The following DHCR24 variants were observed in gnomAD, a reference collection of about 807,000 sequenced individuals.
DHCR24 encodes the protein 24-dehydrocholesterol reductase.
Under a neutral mutation model 61.2 loss-of-function variants are expected in DHCR24, and 28 were observed. The ratio of observed to expected loss-of-function variants is 0.46; its 90% CI spans 0.34 to 0.63. The LOEUF is 0.63. DHCR24 is among the 20% of genes least tolerant of loss of function. The pLI, the probability that DHCR24 is intolerant of heterozygous loss-of-function variation, is 0.01. For synonymous variants in DHCR24, 261 were observed against 275.9 expected (o/e 0.95, Z 0.54); for missense variants, 538 against 679.1 (o/e 0.79, Z 2.31).
rs763847179 is a variant in DHCR24 at position 54,883,730 on chromosome 1, G to A, written c.275C>T (p.Thr92Met). The A allele has an allele frequency of 6.8e-6, 11 of 1,614,078 alleles. No homozygotes were observed. The highest frequency in any genetic ancestry group is 3.3e-5 in the Admixed American group (2 of 59,992). ...KEQGSKTFMC[T>M]GRPGWLTVSL... ...GACAGTGAGCCAGCCAGGGCGCCCCGTGCACATGAAGGTCTTGCTACCCTG... is the reference window on the plus strand; with the variant it reads ...GACAGTGAGCCAGCCAGGGCGCCCCATGCACATGAAGGTCTTGCTACCCTG... The change falls in exon 2 of 9, where the codon ACG (threonine) becomes ATG (methionine). Residue 92 changes from threonine (T) to methionine (M), a missense_variant. Transcript: ENST00000371269. The surrounding 1 kb of genome is among the most constrained non-coding windows in gnomAD (Gnocchi z 4.3).
chr1:54,887,164 C>T lies in DHCR24; in HGVS notation c.-45G>A, dbSNP rs970889753. 1.7e-5 allele frequency: 26 copies of T among 1,497,100 alleles called. No individual in the cohort carries two copies. Among genetic ancestry groups the T allele is most frequent in the Non-Finnish European group, 2.3e-5 (26 of 1,109,754 alleles). The allele number at this position is 1,497,100 out of a possible 1,614,324, so 92.7% of individuals were successfully genotyped here. A position where few individuals can be genotyped will look rare whatever the true frequency, so the allele number is the denominator to read the frequency against. On this transcript the variant is annotated 5_prime_UTR_variant, in exon 1 of 9. Coordinates refer to ENST00000371269, the MANE Select transcript of DHCR24 (RefSeq NM_014762.4). Reference sequence around the variant, plus strand: ...AGCGCTGCGGGTTCGCGCCTCCTGTCACTGCCGCCAGCTCCGCGCCTGGCC... The same window carrying T: ...AGCGCTGCGGGTTCGCGCCTCCTGTTACTGCCGCCAGCTCCGCGCCTGGCC...
At chr1:54,854,356 C>T in intron 6 of DHCR24, 122 bp from the exon 7 acceptor site, 1 of 799,122 alleles carries the variant, frequency 1.3e-6, no homozygotes, top group Non-Finnish European at 2.0e-6. Context: ...GAGTCCAATT[C>T]CCCTCTTTGG....
chr1:54,879,352 A>AAAAAAAAAAAAAAAAAAAAAAAAG lies in DHCR24; in HGVS notation c.388-3306_388-3305insCTTTTTTTTTTTTTTTTTTTTTTT, dbSNP rs573285056. 1.9e-4 allele frequency among the ~76,000 whole-genome samples: 24 copies of AAAAAAAAAAAAAAAAAAAAAAAAG among 128,222 alleles called. 2 individuals are homozygous for AAAAAAAAAAAAAAAAAAAAAAAAG. Among genetic ancestry groups the AAAAAAAAAAAAAAAAAAAAAAAAG allele is most frequent in the African/African-American group, 2.5e-4 (8 of 32,296 alleles). The allele number at this position is 128,222 out of a possible 152,430, so 84.1% of individuals were successfully genotyped here. A position where few individuals can be genotyped will look rare whatever the true frequency, so the allele number is the denominator to read the frequency against. On this transcript the variant is annotated intron_variant, in intron 2 of 8. Transcript: ENST00000371269. ...AAAAAAAAAAAAAAAAAAAAAAAAA[A>AAAAAAAAAAAAAAAAAAAAAAAAG]TCCAAATCAAACTTCTGGAAATGAA...
At chr1:54,870,686 A>G (rs751990619) in intron 5 of DHCR24, among the ~76,000 whole-genome samples, 1 of 152,344 alleles carries the variant, frequency 6.6e-6, no homozygotes, top group South Asian at 2.1e-4. Context: ...AACGCTTTCA[A>G]TCTGCAGTTG....
rs1303115193 is a variant in DHCR24, at chr1:54,855,424, C to T, written c.1021-1190G>A. On this transcript the variant is annotated intron_variant, in intron 6 of 8. Transcript: ENST00000371269. ...AAAAAAAAAAAACAGTTCCAAGGGG[C>T]CTCCGAGGTCAGGAACCAGGTTCTA... 2.0e-5 allele frequency among the ~76,000 whole-genome samples: 3 copies of T among 151,480 alleles called. No individual in the cohort carries two copies. In the East Asian group the frequency reaches 5.8e-4, roughly 29 times the overall value.
chr1:54,875,018 G>C, intron 4 of DHCR24, 75 bp downstream of exon 4: 1 of 1,294,056 alleles, frequency 7.7e-7, no homozygotes, highest in Admixed American at 1.7e-5. Context: ...ACACCTAGAG[G>C]AGCCACCTCC....
chr1:54,883,740 A>G lies in DHCR24; in HGVS notation c.265T>C (p.Phe89Leu). Residue 89 changes from phenylalanine to leucine, a missense_variant, in exon 2 of 9, where the codon TTC becomes CTC. Coordinates refer to ENST00000371269, the MANE Select transcript of DHCR24 (RefSeq NM_014762.4). This position sits in a 1 kb window ranked among gnomAD's most constrained non-coding sequence, Gnocchi z 4.3. The part of the protein sequence containing the change: ...REWKEQGSKT[F>L]MCTGRPGWLT... ...CAGCCAGGGCGCCCCGTGCACATGA[A>G]GGTCTTGCTACCCTGCTCCTTCCAT... The G allele has an allele frequency of 1.2e-6, 2 of 1,614,194 alleles. No homozygotes were observed. The highest frequency in any genetic ancestry group is 1.7e-6 in the Non-Finnish European group (2 of 1,180,048).
rs932047870 is a variant in DHCR24 at position 54,850,076 on chromosome 1, C to A, written c.*2157G>T. On this transcript the variant is annotated 3_prime_UTR_variant, in exon 9 of 9. Coordinates refer to ENST00000371269, the MANE Select transcript of DHCR24 (RefSeq NM_014762.4). The stretch of plus-strand genomic sequence containing the variant: ...TCAGCTCACCATGCTAAGAAGACTG[C>A]CTCTTTCCAGGCAAGATTTTACTGG... 6.6e-6 allele frequency: 1 copy of A among 152,236 alleles called. No individual in the cohort carries two copies. The highest frequency in any genetic ancestry group is 2.4e-5 in the African/African-American group (1 of 41,454). 9.4% of individuals were successfully genotyped at this position (152,236 alleles called of 1,614,324 possible). A position where few individuals can be genotyped will look rare whatever the true frequency, so the allele number is the denominator to read the frequency against.
chr1:54,886,032 C>T (rs1054938230), intron 1 of DHCR24, among the ~76,000 whole-genome samples: 5 of 152,264 alleles, frequency 3.3e-5, no homozygotes, highest in Non-Finnish European at 5.9e-5. Context: ...GCACCCAGCG[C>T]GGAGCAAGCA....
rs1053031242 is a variant in DHCR24 at position 54,875,317 on chromosome 1, A to G, written c.494-106T>C. The G allele has an allele frequency of 4.8e-5, 45 of 936,098 alleles. No individual in the cohort carries two copies. In the Admixed American group the frequency reaches 7.5e-4, roughly 16 times the overall value. 58.0% of individuals were successfully genotyped at this position (936,098 alleles called of 1,614,324 possible). A position where few individuals can be genotyped will look rare whatever the true frequency, so the allele number is the denominator to read the frequency against. ...TAGCATGAGGGAGGTTTGGCAGGCT[A>G]GCAGAAATGGGGCTGTTGACTTAGG... On this transcript the variant is annotated intron_variant, in intron 3 of 8. Coordinates refer to ENST00000371269, the MANE Select transcript of DHCR24 (RefSeq NM_014762.4).
intron 6 of DHCR24, among the ~76,000 whole-genome samples, chr1:54,861,366 GTT>G (rs1480336062): frequency 1.3e-5 from 2 of 152,150 alleles, no homozygotes; most frequent in Non-Finnish European, 2.9e-5. Context: ...TTTTAGGAAA[GTT>G]TGCTGACCCC....
intron 1 of DHCR24, among the ~76,000 whole-genome samples, chr1:54,884,296 C>G (rs1437053816): frequency 6.6e-6 from 1 of 152,146 alleles, no homozygotes; most frequent in Non-Finnish European, 1.5e-5. Flanking sequence ...GACTTCAGGA[C>G]AGGAAAGATA....
rs1054938230 is a variant in DHCR24 at position 54,886,032 on chromosome 1, C to G, written c.231+857G>C. ...ATGCTCTTGCCTGAAGCACCCAGCG[C>G]GGAGCAAGCAGAATATGGAGGCTGC... On this transcript the variant is annotated intron_variant, in intron 1 of 8. Coordinates refer to ENST00000371269, the MANE Select transcript of DHCR24 (RefSeq NM_014762.4). Among the ~76,000 whole-genome samples, 16 of 152,146 alleles carry G rather than the reference C, an allele frequency of 1.1e-4. 1 individual carries two copies. The highest frequency in any genetic ancestry group is 2.6e-4 in the Admixed American group (4 of 15,276).
chr1:54,859,200 G>C (rs2288315), intron 6 of DHCR24, among the ~76,000 whole-genome samples: 146,792 of 152,192 alleles, frequency 0.96, 70,990 homozygotes, highest in Middle Eastern at 1. Flanking sequence ...TGGCAAGGAG[G>C]TAAGGTCTCT....
At position 54,849,876 on chromosome 1, in the gene DHCR24, C is replaced by T. The variant is rs1646865023; in HGVS notation, c.*2357G>A. The T allele has an allele frequency of 6.5e-6, 1 of 152,680 alleles. No homozygotes were observed. Among genetic ancestry groups the T allele is most frequent in the Non-Finnish European group, 1.5e-5 (1 of 68,082 alleles). The allele number at this position is 152,680 out of a possible 1,614,324, so 9.5% of individuals were successfully genotyped here. A position where few individuals can be genotyped will look rare whatever the true frequency, so the allele number is the denominator to read the frequency against. The stretch of plus-strand genomic sequence containing the variant: ...TCCTTCTGGCCAAAGAAACTGGCTA[C>T]AATTCTGATTCTAAAGAAAACCTTC... On this transcript the variant is annotated 3_prime_UTR_variant, in exon 9 of 9. Coordinates refer to ENST00000371269, the MANE Select transcript of DHCR24 (RefSeq NM_014762.4).
At chr1:54,884,586 G>GC (rs1397727824) in intron 1 of DHCR24, among the ~76,000 whole-genome samples, 5 of 152,188 alleles carry the variant, frequency 3.3e-5, no homozygotes, top group African/African-American at 1.2e-4. Flanking sequence ...ATAGACAAGT[G>GC]CAGGGGGGGT....
At chr1:54,866,095 T>C (rs1213566565) in intron 5 of DHCR24, among the ~76,000 whole-genome samples, 2 of 152,076 alleles carry the variant, frequency 1.3e-5, no homozygotes, top group Non-Finnish European at 2.9e-5. Context: ...GCTGTGTGCC[T>C]TGGGATGGCT....
At chr1:54,874,506 C>T (rs576263741) in intron 4 of DHCR24, among the ~76,000 whole-genome samples, 4 of 152,300 alleles carry the variant, frequency 2.6e-5, no homozygotes, top group Non-Finnish European at 4.4e-5. Flanking sequence ...AAATAGCCTA[C>T]GTGTGAAGTA....
At chr1:54,875,018 G>A (rs1647018761) in intron 4 of DHCR24, 75 bp downstream of exon 4, 3 of 1,294,056 alleles carry the variant, frequency 2.3e-6, no homozygotes, top group South Asian at 2.4e-5. Context: ...ACACCTAGAG[G>A]AGCCACCTCC....
Sources: allele counts gnomAD v4.1 joint callset (sites outside exome capture counted in the v4.1 genomes callset), GRCh38; gene constraint gnomAD v4.1.1; non-coding constraint Gnocchi (gnomAD v3.1); transcripts MANE v1.5; gene names NCBI Gene and HGNC (gene_info 2026-07-23, HGNC 2026-07-21).